The following ELOVL6 variants were observed in gnomAD, a reference collection of about 807,000 sequenced individuals.
The protein encoded by ELOVL6 is very long chain fatty acid elongase 6.
A neutral mutation model predicts 31.7 loss-of-function variants in ELOVL6; 8 were observed. The ratio of observed to expected loss-of-function variants is 0.25; its 90% CI spans 0.15 to 0.45. The LOEUF (loss-of-function observed/expected upper bound fraction) is 0.45. ELOVL6 is among the 20% of genes least tolerant of loss of function. The pLI is 1.00. For missense variants in ELOVL6, 126 were observed against 326.4 expected (o/e 0.39, Z 4.73); for synonymous variants, 101 against 117.7 (o/e 0.86, Z 0.92).
At chr4:110,075,080 G>A (rs116226330) in intron 2 of ELOVL6, among the ~76,000 whole-genome samples, 20 of 152,208 alleles carry the variant, frequency 1.3e-4, no homozygotes, top group African/African-American at 3.1e-4. Context: ...GAGGTATCAC[G>A]TCACAGTCAT....
chr4:110,064,903 T>C (rs1308497136), intron 2 of ELOVL6, among the ~76,000 whole-genome samples: 1 of 152,240 alleles, frequency 6.6e-6, no homozygotes, highest in Non-Finnish European at 1.5e-5. Flanking sequence ...GACGTTGACA[T>C]ATAACACTAA....
intron 1 of ELOVL6, among the ~76,000 whole-genome samples, chr4:110,154,301 G>A (rs1485633619): frequency 1.3e-5 from 2 of 152,038 alleles, no homozygotes; most frequent in Admixed American, 1.3e-4. Context: ...TATCTCCCAG[G>A]CTGGAGTGCA....
rs57733252 is a variant in ELOVL6, at chr4:110,141,855, G to GTATATATATATATATATATATA, written c.90-36228_90-36227insTATATATATATATATATATATA. Among the ~76,000 whole-genome samples, 66 of 126,610 alleles carry GTATATATATATATATATATATA rather than the reference G, an allele frequency of 5.2e-4. 1 individual carries two copies. Among genetic ancestry groups the GTATATATATATATATATATATA allele is most frequent in the Non-Finnish European group, 7.6e-4 (46 of 60,450 alleles). 83.1% of individuals were successfully genotyped at this position (126,610 alleles called of 152,430 possible). On this transcript the variant is annotated intron_variant, in intron 1 of 3. Transcript: ENST00000302274. ...TATATACACTAACACAATACAATTA[G>GTATATATATATATATATATATA]TATATATATATATATATATACTAAT...
chr4:110,174,465 C>G (rs539688933), intron 1 of ELOVL6, among the ~76,000 whole-genome samples: 41 of 152,274 alleles, frequency 2.7e-4, no homozygotes, highest in Non-Finnish European at 5.3e-4. Flanking sequence ...TGCGCCTGGC[C>G]TTCAGGCATT....
At chr4:110,083,707 A>G (rs1383737854) in intron 2 of ELOVL6, among the ~76,000 whole-genome samples, 2 of 151,424 alleles carry the variant, frequency 1.3e-5, no homozygotes, top group South Asian at 2.1e-4. Flanking sequence ...AAATATTCAT[A>G]TTATTATAAA....
At position 110,045,923 on chromosome 4, in the gene ELOVL6, A is replaced by G. The variant is rs968366425; in HGVS notation, c.*5415T>C. 6.6e-6 allele frequency: 1 copy of G among 152,124 alleles called. No homozygotes were observed. The highest frequency in any genetic ancestry group is 2.4e-5 in the African/African-American group (1 of 41,418). The allele number at this position is 152,124 out of a possible 1,614,324, so 9.4% of individuals were successfully genotyped here. Reference sequence around the variant, plus strand: ...AAAAAATATTTTTTTTAATGTCGTGAAATAAGCACTTGAAAATAACAACTT... The same window carrying G: ...AAAAAATATTTTTTTTAATGTCGTGGAATAAGCACTTGAAAATAACAACTT... On this transcript the variant is annotated 3_prime_UTR_variant, in exon 4 of 4. Transcript: ENST00000302274.
intron 1 of ELOVL6, among the ~76,000 whole-genome samples, chr4:110,163,393 C>T (rs1246715038): frequency 6.6e-6 from 1 of 152,198 alleles, no homozygotes; most frequent in Non-Finnish European, 1.5e-5. Flanking sequence ...GTTATTTTGT[C>T]TATATACTTG....
intron 2 of ELOVL6, among the ~76,000 whole-genome samples, chr4:110,088,353 C>A (rs1044467898): frequency 6.6e-6 from 1 of 152,160 alleles, no homozygotes; most frequent in African/African-American, 2.4e-5. Context: ...TCTTACCCAA[C>A]GGGGACACAT....
chr4:110,100,948 T>C (rs1049807367), intron 2 of ELOVL6, among the ~76,000 whole-genome samples: 2 of 152,242 alleles, frequency 1.3e-5, no homozygotes, highest in Non-Finnish European at 2.9e-5. Flanking sequence ...TCTACAAAAA[T>C]ATATCCTTTA....
intron 3 of ELOVL6, among the ~76,000 whole-genome samples, chr4:110,056,307 C>T (rs769798735): frequency 2.0e-5 from 3 of 151,954 alleles, no homozygotes; most frequent in East Asian, 1.9e-4. Flanking sequence ...TAAATAGTAG[C>T]GACAAGATTT....
In ELOVL6 at chr4:110,169,238, G is replaced by GTTTT. The variant is rs140593620; in HGVS notation, c.89+29005_89+29008dup. Among the ~76,000 whole-genome samples the GTTTT allele has an allele frequency of 6.2e-4, 85 of 136,708 alleles. 12 individuals carry two copies. The highest frequency in any genetic ancestry group is 7.3e-4 in the Non-Finnish European group (47 of 64,662). The allele number at this position is 136,708 out of a possible 152,430, so 89.7% of individuals were successfully genotyped here. A position where few individuals can be genotyped will look rare whatever the true frequency, so the allele number is the denominator to read the frequency against. On this transcript the variant is annotated intron_variant, in intron 1 of 3. Coordinates refer to ENST00000302274, the MANE Select transcript of ELOVL6 (RefSeq NM_024090.3). ...CCCCAACAGAGTTTTGGGGTTTTTTGTTTTGTTTTTTTTTTTTTGAGACGG... is the reference window on the plus strand; with the variant it reads ...CCCCAACAGAGTTTTGGGGTTTTTTGTTTTTTTTGTTTTTTTTTTTTTGAGACGG...
intron 1 of ELOVL6, among the ~76,000 whole-genome samples, chr4:110,172,969 A>G (rs1758997924): frequency 6.6e-6 from 1 of 152,200 alleles, no homozygotes; most frequent in African/African-American, 2.4e-5. Context: ...CACACTGCAT[A>G]TGCCTATGTG....
chr4:110,113,070 CA>C, intron 1 of ELOVL6, among the ~76,000 whole-genome samples: 1 of 149,698 alleles, frequency 6.7e-6, no homozygotes, highest in East Asian at 2.0e-4. Flanking sequence ...TAAAAAAATA[CA>C]AAAAAAATTA....
chr4:110,144,520 T>G (rs767372282), intron 1 of ELOVL6, among the ~76,000 whole-genome samples: 2 of 152,178 alleles, frequency 1.3e-5, no homozygotes, highest in African/African-American at 2.4e-5. Context: ...ATGTGAATAG[T>G]CATTAGTAAG....
intron 3 of ELOVL6, among the ~76,000 whole-genome samples, chr4:110,052,824 G>T (rs1193005889): frequency 1.3e-5 from 2 of 152,220 alleles, no homozygotes; most frequent in Non-Finnish European, 2.9e-5. Context: ...GCAGGTGAAT[G>T]CGTCTTTCTC....
intron 1 of ELOVL6, among the ~76,000 whole-genome samples, chr4:110,145,141 C>CAG (rs773134428): frequency 5.3e-4 from 79 of 149,380 alleles, no homozygotes; most frequent in South Asian, 1.7e-3. Flanking sequence ...AAGTATAGGG[C>CAG]AGAGAGAGAG....
At chr4:110,138,014 C>G (rs1020174761) in intron 1 of ELOVL6, among the ~76,000 whole-genome samples, 1 of 152,154 alleles carries the variant, frequency 6.6e-6, no homozygotes, top group Non-Finnish European at 1.5e-5. Flanking sequence ...CAAAGTGAGT[C>G]CAATTCTTTC....
intron 1 of ELOVL6, among the ~76,000 whole-genome samples, chr4:110,139,355 C>A (rs28722886): frequency 1.3e-5 from 2 of 151,902 alleles, no homozygotes; most frequent in South Asian, 4.1e-4. Context: ...TACTTTTCAG[C>A]GATAAAAAGA....
chr4:110,062,472 C>T (rs28529379), intron 2 of ELOVL6, among the ~76,000 whole-genome samples: 6,443 of 152,216 alleles, frequency 0.042, 327 homozygotes, highest in African/African-American at 0.13. Context: ...TGTGGGGAGC[C>T]ACTAGCTCTG....
Sources: allele counts gnomAD v4.1 joint callset (sites outside exome capture counted in the v4.1 genomes callset), GRCh38; gene constraint gnomAD v4.1.1; transcripts MANE v1.5; gene names NCBI Gene and HGNC (gene_info 2026-07-23, HGNC 2026-07-21).